The following PCNX1 variants were observed in gnomAD, a reference collection of about 807,000 sequenced individuals.
The protein encoded by PCNX1 is pecanex-like protein 1.
In PCNX1, 78 loss-of-function variants were observed where a neutral mutation model predicts 242.2. The observed-to-expected ratio is 0.32, with a 90% CI of 0.27 to 0.39. PCNX1 has a LOEUF of 0.39. Among genes scored for constraint, PCNX1 ranks in the 10% least tolerant of loss-of-function variants. The pLI is 1.00. For synonymous variants in PCNX1, 1,024 were observed against 1,032.9 expected (o/e 0.99, Z 0.17); for missense variants, 2,581 against 2,856.5 (o/e 0.90, Z 2.20).
intron 15 of PCNX1, 160 bp downstream of exon 15, chr14:71,027,042 G>C: frequency 2.1e-6 from 1 of 471,318 alleles, no homozygotes; most frequent in Non-Finnish European, 3.7e-6. Flanking sequence ...CAATTAATTT[G>C]TGGATAGGAA....
intron 1 of PCNX1, among the ~76,000 whole-genome samples, chr14:70,911,529 G>A (rs980090572): frequency 6.6e-6 from 1 of 152,056 alleles, no homozygotes; most frequent in Non-Finnish European, 1.5e-5. Context: ...TTTTTATCTA[G>A]TTACAGTGAT....
intron 26 of PCNX1, among the ~76,000 whole-genome samples, chr14:71,069,925 G>A (rs768299035): frequency 1.3e-5 from 2 of 152,156 alleles, no homozygotes; most frequent in Admixed American, 6.6e-5. Flanking sequence ...TGTAGCATGC[G>A]ATGCTGTTTA....
intron 24 of PCNX1, chr14:71,053,341 C>G (rs1482587338): frequency 1.1e-5 from 5 of 447,752 alleles, no homozygotes; most frequent in South Asian, 7.9e-5. Flanking sequence ...GACACAATCT[C>G]GACTCACTGC....
At chr14:71,036,037 G>A (rs769391542) in intron 18 of PCNX1, 28 bp from the exon 19 acceptor site, 16 of 1,391,946 alleles carry the variant, frequency 1.1e-5, no homozygotes, top group Non-Finnish European at 1.6e-5. Context: ...TTATGTAATT[G>A]TTTAATAATT....
intron 11 of PCNX1, among the ~76,000 whole-genome samples, chr14:71,013,405 A>G (rs764389470): frequency 1.3e-5 from 2 of 152,138 alleles, no homozygotes; most frequent in African/African-American, 4.8e-5. Flanking sequence ...TTGCAACTTC[A>G]ATATCTTTTA....
Position 71,009,898 on chromosome 14 carries a change from C to A in PCNX1, c.2720+174C>A, listed in dbSNP as rs1051656383. 4.1e-5 allele frequency: 18 copies of A among 435,866 alleles called. No individual in the cohort carries two copies. The Admixed American group carries it at 4.2e-4, about 10-fold the overall frequency. The allele number at this position is 435,866 out of a possible 1,614,324, so 27.0% of individuals were successfully genotyped here. A position where few individuals can be genotyped will look rare whatever the true frequency, so the allele number is the denominator to read the frequency against. On this transcript the variant is annotated intron_variant, in intron 9 of 35. Coordinates refer to ENST00000304743, the MANE Select transcript of PCNX1 (RefSeq NM_014982.3). ...CATACAACCTGATGTTTTGAAATATCATATACATTGGCTTAATTGAGCTAA... is the reference window on the plus strand; with the variant it reads ...CATACAACCTGATGTTTTGAAATATAATATACATTGGCTTAATTGAGCTAA...
At chr14:70,919,707 G>GCCCC (rs2056294618) in intron 1 of PCNX1, among the ~76,000 whole-genome samples, 1 of 8,172 alleles carries the variant, frequency 1.2e-4, no homozygotes, top group Non-Finnish European at 2.0e-4. Flanking sequence ...TGGTTTCTCT[G>GCCCC]CTCCCCCCCC....
At position 71,109,798 on chromosome 14, in the gene PCNX1, A is replaced by G. The variant is rs1376358061; in HGVS notation, c.6889A>G (p.Ile2297Val). ...TTGTTTTATTCTGAATCATTAGGTG[A>G]TTCACCGATGGGTGCCTTGCAGCAG... is the stretch of plus-strand genomic sequence containing the variant. ...SPQEGMEGHV[I>V]HRWVPCSRDP... Residue 2297 changes from isoleucine (I) to valine (V), a missense_variant, in exon 36 of 36, where the codon ATT (isoleucine) becomes GTT (valine). Coordinates refer to ENST00000304743, the MANE Select transcript of PCNX1 (RefSeq NM_014982.3). The G allele has an allele frequency of 1.2e-6, 2 of 1,613,872 alleles. No homozygotes were observed. Among genetic ancestry groups the G allele is most frequent in the Admixed American group, 3.3e-5 (2 of 60,020 alleles).
chr14:70,998,373 G>A (rs1192004499), intron 8 of PCNX1, among the ~76,000 whole-genome samples: 5 of 151,980 alleles, frequency 3.3e-5, no homozygotes, highest in Admixed American at 6.6e-5. Flanking sequence ...AGAGGAAAAA[G>A]TACTTGTATC....
At chr14:70,928,558 A>G (rs1771982399) in intron 1 of PCNX1, among the ~76,000 whole-genome samples, 2 of 152,238 alleles carry the variant, frequency 1.3e-5, no homozygotes, top group African/African-American at 4.8e-5. Context: ...TATTGTTACT[A>G]ATTTACAAAA....
chr14:70,977,528 C>T lies in PCNX1; in HGVS notation c.1191C>T (p.Val397=). The T allele has an allele frequency of 6.2e-7, 1 of 1,614,154 alleles. No homozygotes were observed. Among genetic ancestry groups the T allele is most frequent in the Non-Finnish European group, 8.5e-7 (1 of 1,180,034 alleles). ...CGGACCGGGACACTAACAGTACTGT[C>T]AGCAGCTATAAAAGTGAGCAGACCA... ...SGTDRDTNST[V]SSYKSEQTSS... Residue 397 remains valine (V), a synonymous_variant, in exon 6 of 36, where the codon GTC becomes GTT. Transcript: ENST00000304743.
intron 6 of PCNX1, among the ~76,000 whole-genome samples, chr14:70,979,699 C>T (rs997596374): frequency 2.6e-5 from 4 of 151,978 alleles, no homozygotes; most frequent in African/African-American, 9.7e-5. Flanking sequence ...TGAATATATG[C>T]TTTTTCTCAA....
intron 8 of PCNX1, among the ~76,000 whole-genome samples, chr14:71,000,534 T>TC (rs2059473859): frequency 6.6e-6 from 1 of 151,008 alleles, no homozygotes; most frequent in Admixed American, 6.6e-5. Flanking sequence ...TGATTTTTTT[T>TC]TTTTTTTTTT....
chr14:71,063,678 TGAGCATTTTATCTA>T (rs2061378837), intron 26 of PCNX1, among the ~76,000 whole-genome samples: 1 of 152,206 alleles, frequency 6.6e-6, no homozygotes, highest in Non-Finnish European at 1.5e-5. Flanking sequence ...TTGGATCTGC[TGAGCATTTTATCTA>T]CTTTCCAAGA....
At chr14:71,008,612 C>T (rs528920293) in intron 8 of PCNX1, among the ~76,000 whole-genome samples, 4,006 of 140,862 alleles carry the variant, frequency 0.028, 87 homozygotes, top group Non-Finnish European at 0.04. Context: ...GCCGAGATTG[C>T]GCCACTGCAC....
intron 8 of PCNX1, among the ~76,000 whole-genome samples, chr14:71,006,767 C>CTTCA (rs1320871399): frequency 1.3e-5 from 2 of 152,094 alleles, no homozygotes; most frequent in African/African-American, 4.8e-5. Context: ...TTTAAGCTGC[C>CTTCA]TTCAGTAGGA....
At chr14:71,037,064 T>C (rs1401480308) in intron 19 of PCNX1, among the ~76,000 whole-genome samples, 1 of 152,004 alleles carries the variant, frequency 6.6e-6, no homozygotes, top group African/African-American at 2.4e-5. Context: ...TGAATGGGAG[T>C]TCACTCATGA....
chr14:70,939,267 T>G (rs149018853), intron 1 of PCNX1, among the ~76,000 whole-genome samples: 1 of 152,322 alleles, frequency 6.6e-6, no homozygotes, highest in East Asian at 1.9e-4. Context: ...TTCTGGACAT[T>G]TAGTGCTATA....
At chr14:71,086,614 TC>T (rs2061996940) in intron 28 of PCNX1, among the ~76,000 whole-genome samples, 1 of 152,190 alleles carries the variant, frequency 6.6e-6, no homozygotes, top group Non-Finnish European at 1.5e-5. Context: ...TTTTCGCTGT[TC>T]CTTTGTATTC....
Sources: gnomAD v4.1 joint callset for allele counts (sites outside exome capture counted in the v4.1 genomes callset) on GRCh38, gnomAD v4.1.1 for gene constraint, MANE v1.5 for transcripts, NCBI Gene and HGNC (gene_info 2026-07-23, HGNC 2026-07-21) for gene names.